Variants in KCTD14 observed in about 807,000 individuals in gnomAD.
KCTD14 encodes the protein BTB/POZ domain-containing protein KCTD14.
A neutral mutation model predicts 5.9 loss-of-function variants in KCTD14; 7 were observed. The observed-to-expected ratio is 1.19, with a 90% CI of 0.68 to 2.23. The LOEUF (loss-of-function observed/expected upper bound fraction) is 2.23, where lower values mean the gene tolerates loss of function less well. Among genes scored for constraint, KCTD14 ranks in the 30% most tolerant of loss-of-function variants. The pLI is 0.00. For synonymous variants in KCTD14, 140 were observed against 133.1 expected, an observed-to-expected ratio of 1.05 and a Z score of -0.36; for missense variants, 342 against 332.2, an observed-to-expected ratio of 1.03 and a Z score of -0.23.
Position 78,016,355 on chromosome 11 carries a change from T to A in KCTD14, c.*238A>T. 1.8e-6 allele frequency: 1 copy of A among 568,072 alleles called. No individual in the cohort carries two copies. Among genetic ancestry groups the A allele is most frequent in the Non-Finnish European group, 3.1e-6 (1 of 320,138 alleles). 35.2% of individuals were successfully genotyped at this position (568,072 alleles called of 1,614,324 possible). A position where few individuals can be genotyped will look rare whatever the true frequency, so the allele number is the denominator to read the frequency against. ...TTGTTATTGGACTTCAAGAGAAGGGTCTGGGAGATACATGAGGCTTTGAAA... is the reference window on the plus strand; with the variant it reads ...TTGTTATTGGACTTCAAGAGAAGGGACTGGGAGATACATGAGGCTTTGAAA... On this transcript the variant is annotated 3_prime_UTR_variant, in exon 2 of 2. Transcript: ENST00000353172.
chr11:78,045,630 A>C (rs1211550979), intron 1 of KCTD14, among the ~76,000 whole-genome samples: 1 of 152,218 alleles, frequency 6.6e-6, no homozygotes, highest in Non-Finnish European at 1.5e-5. Flanking sequence ...GAGTGACCAA[A>C]GGCAGTTTGG....
intron 1 of KCTD14, among the ~76,000 whole-genome samples, chr11:78,041,828 T>C (rs1160287705): frequency 6.6e-6 from 1 of 152,268 alleles, no homozygotes; most frequent in East Asian, 1.9e-4. Flanking sequence ...CCATTGTTCC[T>C]GCACAGCTAA....
In KCTD14 at chr11:78,016,641, T is replaced by C; in HGVS notation, c.720A>G (p.Arg240=). ...AATAAATGTTAAAATGGAATTCGTT[T>C]CTTTTGGTGGGGTACGTCAGGTAGA... The part of the protein sequence containing the change: ...SKFYLTYPTK[R]NEFHFNIYSF... The change falls in exon 2 of 2, where the codon AGA becomes AGG. Residue 240 remains arginine (R), a synonymous_variant. Coordinates refer to ENST00000353172, the MANE Select transcript of KCTD14 (RefSeq NM_023930.4). 6.2e-7 allele frequency: 1 copy of C among 1,614,170 alleles called. No homozygotes were observed. The highest frequency in any genetic ancestry group is 2.2e-5 in the East Asian group (1 of 44,876).
rs1023861329 is a variant in KCTD14, at chr11:78,015,956, A to T, written c.*637T>A. 1.3e-5 allele frequency: 2 copies of T among 152,272 alleles called. No homozygotes were observed. The highest frequency in any genetic ancestry group is 2.9e-5 in the Non-Finnish European group (2 of 68,088). 9.4% of individuals were successfully genotyped at this position (152,272 alleles called of 1,614,324 possible). On this transcript the variant is annotated 3_prime_UTR_variant, in exon 2 of 2. Transcript: ENST00000353172. Reference sequence around the variant, plus strand: ...GGTCTCAAAATTAGAATACATCAAAATCACTTGGAGGGTTTGGTAAATCAG... The same window carrying T: ...GGTCTCAAAATTAGAATACATCAAATTCACTTGGAGGGTTTGGTAAATCAG...
At chr11:78,026,166 G>C (rs1857457529), upstream of KCTD14, among the ~76,000 whole-genome samples, 2 of 152,164 alleles carry the variant, frequency 1.3e-5, no homozygotes, top group African/African-American at 4.8e-5. Flanking sequence ...GCCACGCATG[G>C]TGACTCACGC....
At chr11:78,036,268 G>A (rs1308182925) in intron 2 of KCTD14, among the ~76,000 whole-genome samples, 3 of 152,242 alleles carry the variant, frequency 2.0e-5, no homozygotes, top group Admixed American at 6.5e-5. Flanking sequence ...GAGTGTGAAT[G>A]TGTGTGCACA....
At chr11:78,041,673 T>G (rs1857996459) in intron 1 of KCTD14, among the ~76,000 whole-genome samples, 2 of 152,252 alleles carry the variant, frequency 1.3e-5, no homozygotes, top group Non-Finnish European at 2.9e-5. Flanking sequence ...GGTCCATGTT[T>G]GTTACGGCTC....
At chr11:78,034,724 C>G (rs1857738705) in intron 2 of KCTD14, among the ~76,000 whole-genome samples, 1 of 152,072 alleles carries the variant, frequency 6.6e-6, no homozygotes. Context: ...TGAGTCATCC[C>G]CAAACAGACT....
intron 2 of KCTD14, chr11:78,038,637 A>G (rs1857891319): frequency 6.5e-7 from 1 of 1,534,988 alleles, no homozygotes; most frequent in Non-Finnish European, 8.7e-7. Flanking sequence ...AGACACCTGG[A>G]CCCAAGAGAG....
chr11:78,029,366 ACCTCCC>A (rs1857555297), intron 2 of KCTD14, among the ~76,000 whole-genome samples: 1 of 151,742 alleles, frequency 6.6e-6, no homozygotes, highest in African/African-American at 2.4e-5. Context: ...AAAGGAAGAA[ACCTCCC>A]GGTTATGGGC....
intron 1 of KCTD14, among the ~76,000 whole-genome samples, chr11:78,040,917 G>A (rs1368411764): frequency 6.6e-6 from 1 of 152,110 alleles, no homozygotes; most frequent in Non-Finnish European, 1.5e-5. Flanking sequence ...TGACCCGCCC[G>A]CCTCAACCTC....
chr11:78,022,244 A>C (rs1207966016), intron 1 of KCTD14, among the ~76,000 whole-genome samples: 1 of 152,036 alleles, frequency 6.6e-6, no homozygotes, highest in Non-Finnish European at 1.5e-5. Flanking sequence ...GCGAGACCCC[A>C]TCTCTATTTT....
upstream of KCTD14, among the ~76,000 whole-genome samples, chr11:78,027,427 A>G (rs994226474): frequency 4.9e-5 from 4 of 81,890 alleles, no homozygotes; most frequent in African/African-American, 6.8e-5. Context: ...CAGCGGTGCA[A>G]CCTCAGCTCA....
Position 78,022,987 on chromosome 11 carries a change from G to A in KCTD14, c.90+173C>T, listed in dbSNP as rs1024484894. 4.2e-5 allele frequency: 24 copies of A among 577,362 alleles called. No homozygotes were observed. The African/African-American group carries it at 4.7e-4, about 11-fold the overall frequency. The allele number at this position is 577,362 out of a possible 1,614,324, so 35.8% of individuals were successfully genotyped here. A position where few individuals can be genotyped will look rare whatever the true frequency, so the allele number is the denominator to read the frequency against. ...GAAAGGAGAGTGATCCCAGCAGGAG[G>A]GACGGCAAAGATTGAAGAGAGCGAC... On this transcript the variant is annotated intron_variant, in intron 1 of 1. Transcript: ENST00000353172.
chr11:78,018,566 G>A (rs560894723), intron 1 of KCTD14, among the ~76,000 whole-genome samples: 1 of 152,146 alleles, frequency 6.6e-6, no homozygotes, highest in Non-Finnish European at 1.5e-5. Context: ...AATTAGCCAG[G>A]CATGGTGGCA....
intron 1 of KCTD14, among the ~76,000 whole-genome samples, chr11:78,042,455 C>T (rs1031551894): frequency 1.1e-4 from 16 of 151,990 alleles, no homozygotes; most frequent in Admixed American, 1.0e-3. Flanking sequence ...TTGCAGTGAG[C>T]CAAGATCCCA....
intron 1 of KCTD14, among the ~76,000 whole-genome samples, chr11:78,042,878 C>G (rs1591198776): frequency 1.3e-5 from 2 of 152,234 alleles, no homozygotes; most frequent in African/African-American, 4.8e-5. Flanking sequence ...ATTGGTCAGA[C>G]CCGGTGTGCC....
chr11:78,040,329 C>T (rs1053425359), intron 1 of KCTD14, among the ~76,000 whole-genome samples: 1 of 152,114 alleles, frequency 6.6e-6, no homozygotes, highest in Non-Finnish European at 1.5e-5. Context: ...CTTCTCTCTT[C>T]CTTGTCTCTT....
Position 78,016,536 on chromosome 11 carries a change from G to A in KCTD14, c.*57C>T, listed in dbSNP as rs1857167814. 2.7e-6 allele frequency: 4 copies of A among 1,465,302 alleles called. No homozygotes were observed. Among genetic ancestry groups the A allele is most frequent in the Non-Finnish European group, 3.7e-6 (4 of 1,073,560 alleles). 90.8% of individuals were successfully genotyped at this position (1,465,302 alleles called of 1,614,324 possible). ...AAATTAAAAGAAAATGGCTTTGATG[G>A]CAACTTTTAATTTCATAAGCCACGC... On this transcript the variant is annotated 3_prime_UTR_variant, in exon 2 of 2. Coordinates refer to ENST00000353172, the MANE Select transcript of KCTD14 (RefSeq NM_023930.4).
Sources: gnomAD v4.1 joint callset for allele counts (sites outside exome capture counted in the v4.1 genomes callset) on GRCh38, gnomAD v4.1.1 for gene constraint, MANE v1.5 for transcripts, NCBI Gene and HGNC (gene_info 2026-07-23, HGNC 2026-07-21) for gene names.